The following RARB variants were observed in gnomAD, a reference collection of about 807,000 sequenced individuals.
The protein encoded by RARB is HBV-activated protein.
RARB carries 17 observed loss-of-function variants against 51.9 expected under a neutral mutation model. The observed-to-expected ratio is 0.33, with a 90% CI of 0.22 to 0.49. The LOEUF is 0.49. RARB is among the 20% of genes least tolerant of loss of function. RARB has a pLI of 0.99. For missense variants in RARB, 369 were observed against 550.8 expected, an observed-to-expected ratio of 0.67 and a Z score of 3.30; for synonymous variants, 215 against 195.4, an observed-to-expected ratio of 1.10 and a Z score of -0.84.
intron 4 of RARB, among the ~76,000 whole-genome samples, chr3:25,132,682 TTAATAA>T (rs1288484999): frequency 6.6e-6 from 1 of 151,894 alleles, no homozygotes; most frequent in African/African-American, 2.4e-5. Context: ...GTGACTATAG[TTAATAA>T]TAATTTATAT....
At chr3:25,354,966 G>T (rs1705688627) in intron 5 of RARB, among the ~76,000 whole-genome samples, 1 of 151,730 alleles carries the variant, frequency 6.6e-6, no homozygotes, top group Admixed American at 6.6e-5. Flanking sequence ...CTGCATTCAG[G>T]CTATCTGGGT....
At chr3:25,286,173 CCA>C (rs1703649064) in intron 5 of RARB, among the ~76,000 whole-genome samples, 1 of 136,956 alleles carries the variant, frequency 7.3e-6, no homozygotes, top group Admixed American at 7.3e-5. Context: ...ACTGCAAGCT[CCA>C]TCTCCCGGGT....
chr3:24,961,584 C>A (rs1390675179), intron 2 of RARB, among the ~76,000 whole-genome samples: 1 of 147,630 alleles, frequency 6.8e-6, no homozygotes, highest in Non-Finnish European at 1.5e-5. Flanking sequence ...CCAGGTTGTT[C>A]AGACAGATGA....
chr3:25,136,343 TA>T (rs1229822565), intron 4 of RARB, among the ~76,000 whole-genome samples: 4 of 152,016 alleles, frequency 2.6e-5, no homozygotes, highest in Non-Finnish European at 4.4e-5. Context: ...ACTTGTATAT[TA>T]AAAAAATTCC....
At chr3:25,303,746 G>A (rs892722029) in intron 5 of RARB, among the ~76,000 whole-genome samples, 2 of 152,136 alleles carry the variant, frequency 1.3e-5, no homozygotes, top group Admixed American at 6.6e-5. Flanking sequence ...AATCACTGGA[G>A]GCATTTCAGT....
At chr3:24,852,780 T>C (rs1702576647) in intron 1 of RARB, among the ~76,000 whole-genome samples, 1 of 152,156 alleles carries the variant, frequency 6.6e-6, no homozygotes, top group Non-Finnish European at 1.5e-5. Flanking sequence ...TCCATTTATA[T>C]GGAATTCTCA....
At chr3:24,960,739 A>G (rs1696121044) in intron 2 of RARB, among the ~76,000 whole-genome samples, 1 of 148,946 alleles carries the variant, frequency 6.7e-6, no homozygotes, top group African/African-American at 2.5e-5. Context: ...TGTAATTGCC[A>G]GTTGAGAATT....
chr3:24,988,061 T>C (rs995829421), intron 2 of RARB, among the ~76,000 whole-genome samples: 5 of 152,080 alleles, frequency 3.3e-5, no homozygotes, highest in Admixed American at 1.3e-4. Flanking sequence ...AATGAACACA[T>C]GGTTGAAACG....
intron 3 of RARB, among the ~76,000 whole-genome samples, chr3:25,534,467 G>T (rs997450046): frequency 2.0e-5 from 3 of 152,096 alleles, no homozygotes; most frequent in African/African-American, 7.2e-5. Context: ...AGTAGAGAAA[G>T]GTCACTGCTC....
chr3:25,432,090 T>C (rs912756229), intron 1 of RARB, among the ~76,000 whole-genome samples: 7 of 152,086 alleles, frequency 4.6e-5, no homozygotes, highest in Non-Finnish European at 8.8e-5. Context: ...TGGTAACTAA[T>C]ACCATCAGAA....
At chr3:25,197,859 G>A (rs368075911) in intron 5 of RARB, among the ~76,000 whole-genome samples, 15 of 151,914 alleles carry the variant, frequency 9.9e-5, no homozygotes, top group East Asian at 3.9e-4. Context: ...CATACTACGC[G>A]AAGCAATCTG....
chr3:25,367,937 T>C (rs1706177697), intron 5 of RARB, among the ~76,000 whole-genome samples: 1 of 152,052 alleles, frequency 6.6e-6, no homozygotes, highest in African/African-American at 2.4e-5. Context: ...CACAATACTG[T>C]TTCATGCACT....
chr3:25,201,980 C>G (rs1701403506), intron 5 of RARB, among the ~76,000 whole-genome samples: 1 of 152,088 alleles, frequency 6.6e-6, no homozygotes, highest in South Asian at 2.1e-4. Flanking sequence ...CCCTCTTTTT[C>G]TATTGATTGG....
At chr3:25,532,303 C>T (rs1698962942) in intron 3 of RARB, among the ~76,000 whole-genome samples, 1 of 152,146 alleles carries the variant, frequency 6.6e-6, no homozygotes, top group Non-Finnish European at 1.5e-5. Context: ...ATTTATTCAG[C>T]AGTGCTTAAA....
chr3:25,506,620 A>T (rs562127490), intron 3 of RARB, among the ~76,000 whole-genome samples: 1 of 152,348 alleles, frequency 6.6e-6, no homozygotes, highest in African/African-American at 2.4e-5. Context: ...TGTCTCACAA[A>T]AAAAGAAAAT....
intron 1 of RARB, among the ~76,000 whole-genome samples, chr3:25,443,485 G>A (rs577075418): frequency 2.6e-5 from 4 of 151,592 alleles, no homozygotes; most frequent in Admixed American, 1.3e-4. Flanking sequence ...GCTAAAGCGC[G>A]CCGGTAATCT....
chr3:25,076,200 G>A (rs772307975), intron 3 of RARB, among the ~76,000 whole-genome samples: 46 of 151,660 alleles, frequency 3.0e-4, no homozygotes, highest in Non-Finnish European at 4.7e-4. Flanking sequence ...GGAGTGCAGT[G>A]GTGTGATCTG....
chr3:24,858,398 C>A (rs916035924), intron 1 of RARB, among the ~76,000 whole-genome samples: 4 of 152,128 alleles, frequency 2.6e-5, no homozygotes, highest in African/African-American at 9.7e-5. Flanking sequence ...TAAGCCCACC[C>A]CTGAGCCCAG....
intron 4 of RARB, among the ~76,000 whole-genome samples, chr3:25,575,867 G>A (rs1043900756): frequency 1.3e-5 from 2 of 152,312 alleles, no homozygotes; most frequent in South Asian, 2.1e-4. Context: ...GTAACACCTA[G>A]TGAGTGCAGA....
Sources: gnomAD v4.1 joint callset for allele counts (sites outside exome capture counted in the v4.1 genomes callset) on GRCh38, gnomAD v4.1.1 for gene constraint, MANE v1.5 for transcripts, NCBI Gene and HGNC (gene_info 2026-07-23, HGNC 2026-07-21) for gene names.